The following KNL1 variants were observed in gnomAD, a reference collection of about 807,000 sequenced individuals.
The protein encoded by KNL1 is outer kinetochore KNL1 complex subunit KNL1.
KNL1 carries 66 observed loss-of-function variants against 201.3 expected under a neutral mutation model. That is an observed-to-expected ratio of 0.33 (90% CI 0.27 to 0.40). KNL1 has a LOEUF of 0.40. Among genes scored for constraint, KNL1 ranks in the 10% least tolerant of loss-of-function variants. The probability of loss-of-function intolerance (pLI) is 1.00; values close to 1 mark genes in which losing one functional copy is unlikely to be tolerated. For missense variants in KNL1, 2,815 were observed against 2,690.5 expected, an observed-to-expected ratio of 1.05 and a Z score of -1.02; for synonymous variants, 895 against 899.2, an observed-to-expected ratio of 1.00 and a Z score of 0.08.
chr15:40,623,856 G>C lies in KNL1; in HGVS notation c.3592G>C (p.Gly1198Arg), dbSNP rs774170941. The C allele has an allele frequency of 1.2e-6, 2 of 1,613,632 alleles. No individual in the cohort carries two copies. The highest frequency in any genetic ancestry group is 1.7e-6 in the Non-Finnish European group (2 of 1,179,876). Reference sequence around the variant, plus strand: ...TGGAATAGGAAAAGGAAAAAACTTGGGTGTTTCCTTTCCTAAGGATAATAG... The same window carrying C: ...TGGAATAGGAAAAGGAAAAAACTTGCGTGTTTCCTTTCCTAAGGATAATAG... The part of the protein sequence containing the change: ...KFGIGKGKNL[G>R]VSFPKDNSCV... Residue 1198 changes from glycine to arginine, a missense_variant, in exon 10 of 26, where the codon GGT becomes CGT. This residue lies in a region of KNL1 where 2,464 missense variants were observed against 2,291.7 expected (regional missense o/e 1.08). Coordinates refer to ENST00000399668, the MANE Select transcript of KNL1 (RefSeq NM_144508.5).
chr15:40,647,859 C>T (rs1893441433), intron 17 of KNL1, among the ~76,000 whole-genome samples: 1 of 152,202 alleles, frequency 6.6e-6, no homozygotes, highest in East Asian at 1.9e-4. Context: ...CAGTTGTTTT[C>T]TCCTGGCTGC....
Position 40,623,065 on chromosome 15 carries a change from T to A in KNL1, c.2801T>A (p.Ile934Lys), listed in dbSNP as rs1892600702. 2.5e-6 allele frequency: 4 copies of A among 1,613,892 alleles called. No homozygotes were observed. In the East Asian group the frequency reaches 8.9e-5, roughly 36 times the overall value. ...LECKTVSPDE[I>K]TTRPMDKTVV... Reference sequence around the variant, plus strand: ...TGTAAAACTGTCTCACCAGATGAAATAACTACTAGGCCTATGGACAAAACT... The same window carrying A: ...TGTAAAACTGTCTCACCAGATGAAAAAACTACTAGGCCTATGGACAAAACT... The change falls in exon 10 of 26, where the codon ATA becomes AAA. Residue 934 changes from isoleucine to lysine, a missense_variant. Coordinates refer to ENST00000399668, the MANE Select transcript of KNL1 (RefSeq NM_144508.5).
intron 21 of KNL1, among the ~76,000 whole-genome samples, chr15:40,653,215 G>C (rs1445042049): frequency 2.0e-5 from 3 of 151,886 alleles, no homozygotes; most frequent in Admixed American, 2.0e-4. Context: ...TTTTGAGACA[G>C]TCTCACTCTT....
intron 14 of KNL1, 67 bp from the exon 15 acceptor site, chr15:40,644,930 A>G: frequency 2.0e-6 from 2 of 980,926 alleles, no homozygotes; most frequent in South Asian, 1.4e-5. Context: ...TCCTTTCTAC[A>G]TAGACACAGT....
At chr15:40,640,462 A>G (rs1893193022) in intron 13 of KNL1, among the ~76,000 whole-genome samples, 1 of 152,110 alleles carries the variant, frequency 6.6e-6, no homozygotes, top group Non-Finnish European at 1.5e-5. Flanking sequence ...AAACATTTTT[A>G]AATAACCAAA....
chr15:40,659,501 C>T, intron 25 of KNL1, 40 bp downstream of exon 25: 1 of 1,538,844 alleles, frequency 6.5e-7, no homozygotes, highest in Non-Finnish European at 8.8e-7. Context: ...TGGGCTACTT[C>T]TTTTTTTTTG....
Position 40,623,958 on chromosome 15 carries a change from C to A in KNL1, c.3694C>A (p.Gln1232Lys), listed in dbSNP as rs1039256220. 3 of 1,613,616 alleles carry A rather than the reference C, an allele frequency of 1.9e-6. No individual in the cohort carries two copies. The highest frequency in any genetic ancestry group is 2.5e-6 in the Non-Finnish European group (3 of 1,179,878). The change falls in exon 10 of 26, where the codon CAA (glutamine) becomes AAA (lysine). Residue 1232 changes from glutamine (Q) to lysine (K), a missense_variant. Coordinates refer to ENST00000399668, the MANE Select transcript of KNL1 (RefSeq NM_144508.5). Reference protein sequence around the residue: ...KIVLHTEQKQQLFAATNRTTN... With the variant: ...KIVLHTEQKQKLFAATNRTTN... ...AGTTCTTCACACCGAGCAAAAGCAA[C>A]AACTCTTTGCTGCTACTAATAGAAC...
At chr15:40,657,326 C>T (rs536252128) in intron 23 of KNL1, 29 bp from the exon 24 acceptor site, 1 of 1,372,044 alleles carries the variant, frequency 7.3e-7, no homozygotes, top group African/African-American at 1.4e-5. Context: ...TTCATAATTT[C>T]ACTGGATTTT....
chr15:40,631,033 G>A (rs933292631), intron 13 of KNL1, among the ~76,000 whole-genome samples: 13 of 152,066 alleles, frequency 8.5e-5, no homozygotes, highest in Non-Finnish European at 1.6e-4. Flanking sequence ...TGGGAGGATG[G>A]CTTGAGCCCA....
At chr15:40,617,868 A>T (rs1344832153) in intron 8 of KNL1, among the ~76,000 whole-genome samples, 4 of 151,386 alleles carry the variant, frequency 2.6e-5, no homozygotes, top group African/African-American at 9.7e-5. Flanking sequence ...CTTAGTAGAC[A>T]TTTGAGGTGT....
intron 21 of KNL1, among the ~76,000 whole-genome samples, chr15:40,654,344 T>G (rs1224267236): frequency 6.6e-6 from 1 of 152,126 alleles, no homozygotes; most frequent in Non-Finnish European, 1.5e-5. Context: ...GCACAGAAGT[T>G]AGGGGTTAAA....
Position 40,662,039 on chromosome 15 carries a change from A to G in KNL1, c.6837-35A>G. 2.2e-6 allele frequency: 3 copies of G among 1,334,340 alleles called. No individual in the cohort carries two copies. In the South Asian group the frequency reaches 3.6e-5, roughly 16 times the overall value. 82.7% of individuals were successfully genotyped at this position (1,334,340 alleles called of 1,614,324 possible). ...GGGCGACAGAGCGAGACTCCGTCGC[A>G]AAAAAGAAAATTGATTAACCTTTGT... On this transcript the variant is annotated intron_variant, in intron 25 of 25. Transcript: ENST00000399668.
intron 7 of KNL1, among the ~76,000 whole-genome samples, chr15:40,613,873 C>G (rs1892252845): frequency 6.6e-6 from 1 of 152,108 alleles, no homozygotes; most frequent in Non-Finnish European, 1.5e-5. Flanking sequence ...TCTCGGCCCA[C>G]TGCAAGCTCC....
intron 21 of KNL1, among the ~76,000 whole-genome samples, 171 bp downstream of exon 21, chr15:40,652,276 G>T (rs1893588709): frequency 6.6e-6 from 1 of 152,034 alleles, no homozygotes; most frequent in Non-Finnish European, 1.5e-5. Flanking sequence ...ATTTTGTAAA[G>T]AATAAAATAA....
chr15:40,633,310 C>CAAAA lies in KNL1; in HGVS notation c.5682+3956_5682+3959dup, dbSNP rs35570214. Reference sequence around the variant, plus strand: ...TGGGCGACAGAGCGAAACTCTGTCTCAAAAAAAAAAAAAAAAAAAATTGTA... The same window carrying CAAAA: ...TGGGCGACAGAGCGAAACTCTGTCTCAAAAAAAAAAAAAAAAAAAAAAAATTGTA... On this transcript the variant is annotated intron_variant, in intron 13 of 25. Transcript: ENST00000399668. 5.0e-5 allele frequency among the ~76,000 whole-genome samples: 6 copies of CAAAA among 120,166 alleles called. 1 individual carries two copies. Among genetic ancestry groups the CAAAA allele is most frequent in the Admixed American group, 9.2e-5 (1 of 10,826 alleles). The allele number at this position is 120,166 out of a possible 152,430, so 78.8% of individuals were successfully genotyped here. A position where few individuals can be genotyped will look rare whatever the true frequency, so the allele number is the denominator to read the frequency against.
chr15:40,603,734 G>GT (rs1223779846), intron 2 of KNL1, among the ~76,000 whole-genome samples: 1 of 152,234 alleles, frequency 6.6e-6, no homozygotes, highest in Non-Finnish European at 1.5e-5. Context: ...GTGGCATAGC[G>GT]TAAAGCAGCA....
rs1213049207 is a variant in KNL1, at chr15:40,645,738, T to C, written c.5972T>C (p.Val1991Ala). The C allele has an allele frequency of 6.2e-7, 1 of 1,608,324 alleles. No individual in the cohort carries two copies. The highest frequency in any genetic ancestry group is 8.5e-7 in the Non-Finnish European group (1 of 1,177,230). Residue 1991 changes from valine (V) to alanine (A), a missense_variant, in exon 16 of 26, where the codon GTG (valine) becomes GCG (alanine). Around this residue, in one of 3 missense-constraint regions of KNL1, gnomAD observed 17 missense variants for 36.2 expected, o/e 0.47. Transcript: ENST00000399668. ...AAAGTCTTCACTCACCAAGGAAAAG[T>C]GGCTCTGTATGGCAAGCTGGTGCAG... ...MTKVFTHQGK[V>A]ALYGKLVQSA...
chr15:40,627,513 C>CAA (rs543656517), intron 10 of KNL1, among the ~76,000 whole-genome samples: 29 of 68,768 alleles, frequency 4.2e-4, no homozygotes, highest in Admixed American at 8.1e-4. Flanking sequence ...GACTCCGCCT[C>CAA]AAAAAAAAAA....
In KNL1 at chr15:40,622,458, C is replaced by G. The variant is rs143910309; in HGVS notation, c.2194C>G (p.Leu732Val). ...ATCTGTACTAGGCCAGAATTCTAAA[C>G]TGGCTGAGCCACTGAGGAAAAGTTT... ...VKSVLGQNSKLAEPLRKSLSN... is the reference protein window; with the variant it reads ...VKSVLGQNSKVAEPLRKSLSN... Residue 732 changes from leucine (L) to valine (V), a missense_variant, in exon 10 of 26, where the codon CTG becomes GTG. By Grantham distance (32) the Leu-to-Val change is conservative. Around this residue, in one of 3 missense-constraint regions of KNL1, gnomAD observed 2,464 missense variants for 2,291.7 expected, o/e 1.08. Transcript: ENST00000399668. 1 of 1,613,906 alleles carries G rather than the reference C, an allele frequency of 6.2e-7. No individual in the cohort carries two copies. Among genetic ancestry groups the G allele is most frequent in the African/African-American group, 1.3e-5 (1 of 75,036 alleles).
Sources: allele counts gnomAD v4.1 joint callset (sites outside exome capture counted in the v4.1 genomes callset), GRCh38; gene constraint gnomAD v4.1.1; regional missense constraint gnomAD v4.1.1; transcripts MANE v1.5; gene names NCBI Gene and HGNC (gene_info 2026-07-23, HGNC 2026-07-21).